Variants in ATP8A2 observed in about 807,000 individuals in gnomAD.
The protein encoded by ATP8A2 is phospholipid-transporting ATPase IB.
Under a neutral mutation model 165.6 loss-of-function variants are expected in ATP8A2, and 100 were observed. That is an observed-to-expected ratio of 0.60 (90% CI 0.51 to 0.71). The LOEUF is 0.71. Ranked by LOEUF, ATP8A2 falls within the 30% of genes least tolerant of loss-of-function variation. ATP8A2 has a pLI of 0.00. For missense variants in ATP8A2, 1,227 were observed against 1,479.5 expected (o/e 0.83, Z 2.80); for synonymous variants, 543 against 548.8 (o/e 0.99, Z 0.15).
At chr13:25,512,815 G>T (rs535005883) in intron 2 of ATP8A2, among the ~76,000 whole-genome samples, 5 of 139,752 alleles carry the variant, frequency 3.6e-5, no homozygotes, top group Non-Finnish European at 7.8e-5. Context: ...CGTACGGGGC[G>T]GCTGGCCGGG....
intron 18 of ATP8A2, among the ~76,000 whole-genome samples, chr13:25,573,985 T>C (rs1423279609): frequency 1.3e-5 from 2 of 152,192 alleles, no homozygotes; most frequent in Non-Finnish European, 2.9e-5. Context: ...ATGAGTGCTT[T>C]TGCCATGCAT....
intron 24 of ATP8A2, among the ~76,000 whole-genome samples, chr13:25,698,252 G>A (rs945166481): frequency 6.7e-6 from 1 of 150,176 alleles, no homozygotes; most frequent in Non-Finnish European, 1.5e-5. Flanking sequence ...AAGAAACAGG[G>A]TCTCACTGTG....
intron 24 of ATP8A2, among the ~76,000 whole-genome samples, chr13:25,655,372 C>T (rs1234364746): frequency 6.6e-6 from 1 of 152,178 alleles, no homozygotes; most frequent in Non-Finnish European, 1.5e-5. Flanking sequence ...GTTGGCCAGG[C>T]TGGTCTCGAA....
At chr13:25,958,235 C>T (rs556214949) in intron 33 of ATP8A2, among the ~76,000 whole-genome samples, 2 of 151,590 alleles carry the variant, frequency 1.3e-5, no homozygotes, top group South Asian at 2.1e-4. Context: ...CACCATGGCA[C>T]GTGTATACCT....
At chr13:25,920,307 T>C (rs1430873954) in intron 33 of ATP8A2, among the ~76,000 whole-genome samples, 1 of 152,112 alleles carries the variant, frequency 6.6e-6, no homozygotes, top group Non-Finnish European at 1.5e-5. Flanking sequence ...GTGTATGACC[T>C]CCAAATCTAA....
At chr13:25,696,349 A>T (rs2042834018) in intron 24 of ATP8A2, among the ~76,000 whole-genome samples, 1 of 152,224 alleles carries the variant, frequency 6.6e-6, no homozygotes, top group East Asian at 1.9e-4. Flanking sequence ...AGCCTCTAAC[A>T]AGAGTCAGCC....
chr13:25,958,136 G>C (rs888318940), intron 33 of ATP8A2, among the ~76,000 whole-genome samples: 1 of 151,820 alleles, frequency 6.6e-6, no homozygotes, highest in East Asian at 1.9e-4. Context: ...CTGTTGTGGG[G>C]TGGGGGACTA....
intron 25 of ATP8A2, among the ~76,000 whole-genome samples, chr13:25,747,090 G>A (rs760200089): frequency 8.5e-5 from 13 of 152,180 alleles, no homozygotes; most frequent in Non-Finnish European, 1.6e-4. Flanking sequence ...TATTTTCTAA[G>A]GGAGGGTGTC....
chr13:25,673,582 T>G (rs1341904085), intron 24 of ATP8A2, among the ~76,000 whole-genome samples: 1 of 152,220 alleles, frequency 6.6e-6, no homozygotes, highest in East Asian at 1.9e-4. Context: ...AAATTGGCAT[T>G]TATTGCTCCC....
intron 24 of ATP8A2, among the ~76,000 whole-genome samples, chr13:25,683,118 C>T (rs947702344): frequency 6.6e-6 from 1 of 152,114 alleles, no homozygotes; most frequent in Non-Finnish European, 1.5e-5. Flanking sequence ...AGAAAAATGA[C>T]TTGCTGATAT....
In ATP8A2 at chr13:25,467,365, GAAT is replaced by G. The variant is rs369386187; in HGVS notation, c.77-1607_77-1605del. 5.7e-4 allele frequency among the ~76,000 whole-genome samples: 87 copies of G among 152,312 alleles called. 1 individual carries two copies. In the South Asian group the frequency reaches 0.018, roughly 31 times the overall value. ...AGACTTAACTCTTACTTAATATTCGGAATAATATGTCAGCTTTCAGTAAACGAG... is the reference window on the plus strand; with the variant it reads ...AGACTTAACTCTTACTTAATATTCGGAATATGTCAGCTTTCAGTAAACGAG... On this transcript the variant is annotated intron_variant, in intron 1 of 36. Transcript: ENST00000381655.
chr13:25,781,963 C>T (rs1048474517), intron 27 of ATP8A2, among the ~76,000 whole-genome samples: 48 of 152,296 alleles, frequency 3.2e-4, no homozygotes, highest in Non-Finnish European at 5.9e-4. Flanking sequence ...GTAACCCATG[C>T]TTCATTATAA....
Position 25,559,074 on chromosome 13 carries a change from A to G in ATP8A2, c.1352+13A>G. 6 of 1,550,526 alleles carry G rather than the reference A, an allele frequency of 3.9e-6. No individual in the cohort carries two copies. The highest frequency in any genetic ancestry group is 5.3e-6 in the Non-Finnish European group (6 of 1,135,560). On this transcript the variant is annotated intron_variant, in intron 14 of 36. Transcript: ENST00000381655. ...GAGTAACCTATGGGTCAGTGTGTTT[A>G]TCATTTACTGAAAATTTACTTGTAT...
At chr13:25,837,478 A>AC (rs1555275269) in intron 29 of ATP8A2, among the ~76,000 whole-genome samples, 193 bp downstream of exon 29, 1 of 150,316 alleles carries the variant, frequency 6.7e-6, no homozygotes, top group Non-Finnish European at 1.5e-5. Context: ...CACGCCACAA[A>AC]CCCAGTGAAT....
intron 30 of ATP8A2, among the ~76,000 whole-genome samples, chr13:25,851,640 T>C (rs1161589605): frequency 6.6e-6 from 1 of 151,492 alleles, no homozygotes; most frequent in Non-Finnish European, 1.5e-5. Flanking sequence ...TTAGAAAACA[T>C]CCTTTAGATT....
intron 25 of ATP8A2, among the ~76,000 whole-genome samples, chr13:25,765,812 G>A (rs2044478920): frequency 6.6e-6 from 1 of 152,018 alleles, no homozygotes; most frequent in Admixed American, 6.6e-5. Flanking sequence ...CCATTGGTTG[G>A]CCTATCGCTA....
intron 24 of ATP8A2, among the ~76,000 whole-genome samples, chr13:25,665,122 C>T (rs961494694): frequency 6.6e-5 from 10 of 152,252 alleles, no homozygotes; most frequent in African/African-American, 1.2e-4. Flanking sequence ...CCCCGGTAGG[C>T]GGAGGTCCCC....
rs534784789 is a variant in ATP8A2 at position 25,850,044 on chromosome 13, G to T, written c.2957-10151G>T. 5.9e-5 allele frequency among the ~76,000 whole-genome samples: 9 copies of T among 152,234 alleles called. No individual in the cohort carries two copies. The South Asian group carries it at 1.9e-3, about 32-fold the overall frequency. ...TTTACCCTGTAGAAATTGTCCTCTG[G>T]ATTTCTGAGATGGGTAATGCCCTCC... is the stretch of plus-strand genomic sequence containing the variant. On this transcript the variant is annotated intron_variant, in intron 30 of 36. Transcript: ENST00000381655.
intron 1 of ATP8A2, among the ~76,000 whole-genome samples, chr13:25,441,552 T>C (rs2034932182): frequency 1.3e-5 from 2 of 152,224 alleles, no homozygotes; most frequent in Admixed American, 1.3e-4. Flanking sequence ...TTTATCAACC[T>C]ACCTATAACT....
Sources: allele counts gnomAD v4.1 joint callset (sites outside exome capture counted in the v4.1 genomes callset), GRCh38; gene constraint gnomAD v4.1.1; transcripts MANE v1.5; gene names NCBI Gene and HGNC (gene_info 2026-07-23, HGNC 2026-07-21).